COG5: variants seen among roughly 807,000 people sequenced by gnomAD.
The protein encoded by COG5 is component of oligomeric golgi complex 5.
COG5 carries 86 observed loss-of-function variants against 110.4 expected under a neutral mutation model. The ratio of observed to expected loss-of-function variants is 0.78; its 90% CI spans 0.65 to 0.93. The LOEUF is 0.93. Among genes scored for constraint, COG5 ranks in the 40% least tolerant of loss-of-function variants. The pLI is 0.00. For synonymous variants in COG5, 360 were observed against 334.6 expected (o/e 1.08, Z -0.83); for missense variants, 1,077 against 987.0 (o/e 1.09, Z -1.22).
Position 107,248,409 on chromosome 7 carries a change from C to G in COG5, c.1840G>C (p.Glu614Gln). Residue 614 changes from glutamate (E) to glutamine (Q), a missense_variant, in exon 17 of 22, where the codon GAA becomes CAA. By Grantham distance (29) the Glu-to-Gln change is conservative. Coordinates refer to ENST00000297135, the MANE Select transcript of COG5 (RefSeq NM_006348.5). ...IEAIIITMHQ[E>Q]DFSGSLSSSG... ...AGAAGTAATTACCCAGAAAAGTCTTCTTGATGCATGGTGATGATTATGGCC... is the reference window on the plus strand; with the variant it reads ...AGAAGTAATTACCCAGAAAAGTCTTGTTGATGCATGGTGATGATTATGGCC... The G allele has an allele frequency of 6.2e-7, 1 of 1,608,162 alleles. No individual in the cohort carries two copies. Among genetic ancestry groups the G allele is most frequent in the Non-Finnish European group, 8.5e-7 (1 of 1,175,392 alleles).
intron 12 of COG5, among the ~76,000 whole-genome samples, chr7:107,296,888 T>C (rs555214979): frequency 6.6e-6 from 1 of 152,344 alleles, no homozygotes; most frequent in South Asian, 2.1e-4. Flanking sequence ...AAACTGCTAC[T>C]GCTTTAGCCA....
At chr7:107,424,862 G>A (rs1335048039) in intron 6 of COG5, among the ~76,000 whole-genome samples, 3 of 152,104 alleles carry the variant, frequency 2.0e-5, no homozygotes, top group Non-Finnish European at 2.9e-5. Flanking sequence ...ATGGATGCTA[G>A]AGGGTCTGCT....
chr7:107,353,859 T>C (rs1257423993), intron 10 of COG5, among the ~76,000 whole-genome samples: 2 of 146,834 alleles, frequency 1.4e-5, no homozygotes, highest in South Asian at 2.2e-4. Context: ...AATCCCACTA[T>C]CATGTGGGAT....
At chr7:107,458,482 C>T (rs949055471) in intron 6 of COG5, among the ~76,000 whole-genome samples, 13 of 152,130 alleles carry the variant, frequency 8.5e-5, no homozygotes, top group African/African-American at 3.1e-4. Flanking sequence ...ACATGATGTG[C>T]TATTACTTCA....
chr7:107,338,144 GAA>G (rs201667895), intron 10 of COG5, among the ~76,000 whole-genome samples: 1 of 150,762 alleles, frequency 6.6e-6, no homozygotes, highest in Admixed American at 6.6e-5. Context: ...GTAGAAATAA[GAA>G]AAAAAAATCC....
rs530323655 is a variant in COG5 at position 107,414,703 on chromosome 7, C to CTTTTTT, written c.539-2077_539-2072dup. 2.4e-3 allele frequency among the ~76,000 whole-genome samples: 147 copies of CTTTTTT among 61,708 alleles called. 27 individuals carry two copies. Among genetic ancestry groups the CTTTTTT allele is most frequent in the Non-Finnish European group, 3.4e-3 (88 of 26,226 alleles). The allele number at this position is 61,708 out of a possible 152,430, so 40.5% of individuals were successfully genotyped here. A position where few individuals can be genotyped will look rare whatever the true frequency, so the allele number is the denominator to read the frequency against. On this transcript the variant is annotated intron_variant, in intron 6 of 21. Transcript: ENST00000297135. ...ATTGATTCCAAAATCCTCACTGTCCCTTTTTTTTTTTTTTTTTTTTTTTTT... is the reference window on the plus strand; with the variant it reads ...ATTGATTCCAAAATCCTCACTGTCCCTTTTTTTTTTTTTTTTTTTTTTTTTTTTTTT...
At chr7:107,337,784 T>A (rs1220282684) in intron 10 of COG5, among the ~76,000 whole-genome samples, 3 of 152,088 alleles carry the variant, frequency 2.0e-5, no homozygotes, top group Non-Finnish European at 4.4e-5. Flanking sequence ...TATTACAAAA[T>A]AGCTTGAAGA....
chr7:107,418,989 G>A (rs142793925), intron 6 of COG5, among the ~76,000 whole-genome samples: 2,076 of 151,998 alleles, frequency 0.014, 43 homozygotes, highest in African/African-American at 0.046. Context: ...TGGCCAGGTT[G>A]GTCTTGAACT....
chr7:107,266,387 G>A (rs1803805704), intron 14 of COG5, among the ~76,000 whole-genome samples: 1 of 152,140 alleles, frequency 6.6e-6, no homozygotes, highest in Non-Finnish European at 1.5e-5. Flanking sequence ...TTCTACTTAG[G>A]TTAACCATTG....
At chr7:107,461,253 T>G (rs781045130) in intron 6 of COG5, among the ~76,000 whole-genome samples, 18 of 152,066 alleles carry the variant, frequency 1.2e-4, no homozygotes, top group Admixed American at 9.2e-4. Context: ...CAAAATAGGT[T>G]TATGTCAAAA....
At chr7:107,457,094 CA>C (rs575455138) in intron 6 of COG5, among the ~76,000 whole-genome samples, 1,812 of 151,842 alleles carry the variant, frequency 0.012, 31 homozygotes, top group African/African-American at 0.041. Flanking sequence ...TACTAGAATG[CA>C]AAAAAGATGA....
chr7:107,358,802 T>C (rs527480486), intron 10 of COG5, among the ~76,000 whole-genome samples: 1 of 152,232 alleles, frequency 6.6e-6, no homozygotes, highest in African/African-American at 2.4e-5. Flanking sequence ...ACTTTTTGCA[T>C]GCTGTCATAA....
At chr7:107,243,697 T>A (rs1222665631) in intron 17 of COG5, among the ~76,000 whole-genome samples, 1 of 151,298 alleles carries the variant, frequency 6.6e-6, no homozygotes, top group African/African-American at 2.4e-5. Context: ...GAACTCTCCA[T>A]CCCAAAACAA....
chr7:107,271,649 T>C (rs896636321), intron 14 of COG5, among the ~76,000 whole-genome samples: 6 of 152,310 alleles, frequency 3.9e-5, no homozygotes, highest in South Asian at 2.1e-4. Context: ...TGATACCTTG[T>C]ATACAATGAT....
chr7:107,562,870 G>C (rs1042130488), intron 1 of COG5, among the ~76,000 whole-genome samples: 1 of 152,178 alleles, frequency 6.6e-6, no homozygotes, highest in Admixed American at 6.5e-5. Context: ...TAACTGCGAT[G>C]ATGAATTTAA....
chr7:107,236,676 C>T lies in COG5; in HGVS notation c.1865G>A (p.Ser622Asn). The T allele has an allele frequency of 6.2e-7, 1 of 1,612,938 alleles. No individual in the cohort carries two copies. ...HQEDFSGSLS[S>N]SGKPDVPCSL... ...ACAAGGAACATCAGGTTTTCCTGAG[C>T]TGGATAATGACCTGTAAAAGAAAAA... is the stretch of plus-strand genomic sequence containing the variant. The change falls in exon 18 of 22, where the codon AGC becomes AAC. Residue 622 changes from serine to asparagine, a missense_variant. Ser to Asn is a conservative substitution (Grantham distance 46, BLOSUM62 1). Transcript: ENST00000297135.
At chr7:107,291,269 A>G (rs1174762252) in intron 12 of COG5, among the ~76,000 whole-genome samples, 1 of 151,390 alleles carries the variant, frequency 6.6e-6, no homozygotes, top group Non-Finnish European at 1.5e-5. Context: ...TGTTTTTTTG[A>G]CTTGTGTAAT....
At chr7:107,440,792 A>AC (rs1174839207) in intron 6 of COG5, among the ~76,000 whole-genome samples, 1 of 152,186 alleles carries the variant, frequency 6.6e-6, no homozygotes, top group Non-Finnish European at 1.5e-5. Context: ...TGAGAGGTCA[A>AC]CCCATGGGAG....
intron 10 of COG5, among the ~76,000 whole-genome samples, chr7:107,361,251 T>C (rs908820887): frequency 6.6e-6 from 1 of 152,184 alleles, no homozygotes; most frequent in Non-Finnish European, 1.5e-5. Flanking sequence ...ATGGAAAGAA[T>C]TCTTATGGCC....
Sources: gnomAD v4.1 joint callset for allele counts (sites outside exome capture counted in the v4.1 genomes callset) on GRCh38, gnomAD v4.1.1 for gene constraint, MANE v1.5 for transcripts, NCBI Gene and HGNC (gene_info 2026-07-23, HGNC 2026-07-21) for gene names.